The following APOO variants were observed in gnomAD, a reference collection of about 807,000 sequenced individuals.
APOO encodes MICOS complex subunit MIC26.
In APOO, 11 loss-of-function variants were observed where a neutral mutation model predicts 23.1. That is an observed-to-expected ratio of 0.48 (90% CI 0.30 to 0.79). The LOEUF (loss-of-function observed/expected upper bound fraction) is 0.79, where lower values mean the gene tolerates loss of function less well. APOO is among the 30% of genes least tolerant of loss of function. APOO has a pLI of 0.07. For missense variants in APOO, 160 were observed against 142.7 expected (o/e 1.12, Z -0.62); for synonymous variants, 59 against 54.8 (o/e 1.08, Z -0.34).
At chrX:23,899,879 C>T (rs897119786) in intron 1 of APOO, among the ~76,000 whole-genome samples, 7 of 112,419 alleles carry the variant, frequency 6.2e-5, no homozygotes, top group African/African-American at 2.3e-4. Context: ...ATAAATTAAA[C>T]CTTTACGTCA....
At chrX:23,898,452 T>C (rs1204927377) in intron 1 of APOO, among the ~76,000 whole-genome samples, 2 of 110,687 alleles carry the variant, frequency 1.8e-5, no homozygotes, top group Non-Finnish European at 3.8e-5. Context: ...CAGAGAACTC[T>C]AAACTCACTA....
rs990050815 is a variant in APOO at position 23,835,283 on chromosome X, G to A, written c.*30-1671C>T. Among the ~76,000 whole-genome samples, 18 of 109,030 alleles carry A rather than the reference G, an allele frequency of 1.7e-4. No individual in the cohort carries two copies. In the South Asian group the frequency reaches 6.7e-3, roughly 41 times the overall value. The allele number at this position is 109,030 out of a possible 115,157, so 94.7% of individuals were successfully genotyped here. On this transcript the variant is annotated intron_variant, in intron 8 of 8. Transcript: ENST00000379226. ...TCACCATGTTGGGCAGGCTGGTCTC[G>A]AACTCCTGACCTGAGGTGATTCACC...
At chrX:23,857,004 C>T (rs1035451537) in intron 6 of APOO, among the ~76,000 whole-genome samples, 3 of 111,800 alleles carry the variant, frequency 2.7e-5, no homozygotes, top group Admixed American at 9.6e-5. Flanking sequence ...AAACCAAATA[C>T]CACATGTTCT....
intron 1 of APOO, among the ~76,000 whole-genome samples, chrX:23,891,330 G>C (rs947042569): frequency 9.9e-5 from 11 of 111,147 alleles, no homozygotes; most frequent in African/African-American, 3.3e-4. Context: ...GGGTTCAAGG[G>C]ATTCTCATGC....
intron 7 of APOO, among the ~76,000 whole-genome samples, chrX:23,854,310 T>C (rs1007762113): frequency 1.8e-5 from 2 of 111,748 alleles, no homozygotes; most frequent in African/African-American, 3.2e-5. Flanking sequence ...TGCGTGTGTG[T>C]CTGCACAGAC....
intron 4 of APOO, among the ~76,000 whole-genome samples, chrX:23,869,506 C>T (rs1925501061): frequency 9.2e-6 from 1 of 109,013 alleles, no homozygotes; most frequent in Non-Finnish European, 1.9e-5. Context: ...AAACTCAGCA[C>T]TTTCCAAGGC....
chrX:23,877,846 T>C (rs1329476160), intron 3 of APOO, among the ~76,000 whole-genome samples: 2 of 111,569 alleles, frequency 1.8e-5, no homozygotes, highest in African/African-American at 6.5e-5. Context: ...TTCCCACATA[T>C]CTACATCTAT....
chrX:23,874,609 G>C, intron 3 of APOO, 152 bp from the exon 4 acceptor site: 1 of 465,901 alleles, frequency 2.1e-6, no homozygotes, highest in South Asian at 4.0e-5. Context: ...GGGTCTTTTT[G>C]TTTGTTTTTC....
intron 1 of APOO, among the ~76,000 whole-genome samples, chrX:23,891,383 C>T (rs867385608): frequency 2.7e-4 from 30 of 111,268 alleles, no homozygotes; most frequent in African/African-American, 9.5e-4. Context: ...CCCGCCACCA[C>T]GCTCAGCTAA....
At chrX:23,895,712 T>C (rs962332604) in intron 1 of APOO, among the ~76,000 whole-genome samples, 2 of 110,906 alleles carry the variant, frequency 1.8e-5, no homozygotes, top group Non-Finnish European at 3.8e-5. Context: ...TGGAACCTTT[T>C]CTACATCTCC....
chrX:23,834,458 T>C (rs374229710), intron 8 of APOO, among the ~76,000 whole-genome samples: 2 of 106,535 alleles, frequency 1.9e-5, no homozygotes. Context: ...TACATTCAGA[T>C]CCTCAATTGG....
At chrX:23,844,860 A>G (rs990855424) in intron 7 of APOO, among the ~76,000 whole-genome samples, 3 of 112,596 alleles carry the variant, frequency 2.7e-5, no homozygotes, top group Non-Finnish European at 3.7e-5. Context: ...ATCAGTGGAC[A>G]TTATCTTCTC....
At chrX:23,872,114 T>C (rs951658474) in intron 4 of APOO, among the ~76,000 whole-genome samples, 30 of 111,572 alleles carry the variant, frequency 2.7e-4, no homozygotes, top group African/African-American at 9.5e-4. Context: ...CACAGAGCAG[T>C]TGACAGAGGG....
chrX:23,886,625 G>GC lies in APOO; in HGVS notation c.10-5674_10-5673insG, dbSNP rs753909165. Reference sequence around the variant, plus strand: ...CCCATGGGAGGAGCCTTGGTAAAAGGTCCCCAGGTAGACATGGCTGAAGCT... The same window carrying GC: ...CCCATGGGAGGAGCCTTGGTAAAAGGCTCCCCAGGTAGACATGGCTGAAGCT... On this transcript the variant is annotated intron_variant, in intron 1 of 8. Coordinates refer to ENST00000379226, the MANE Select transcript of APOO (RefSeq NM_024122.5). 3.3e-4 allele frequency among the ~76,000 whole-genome samples: 37 copies of GC among 111,311 alleles called. 1 individual carries two copies. Among genetic ancestry groups the GC allele is most frequent in the African/African-American group, 1.2e-3 (36 of 30,669 alleles).
At chrX:23,872,290 G>A (rs1031802965) in intron 4 of APOO, among the ~76,000 whole-genome samples, 6 of 110,709 alleles carry the variant, frequency 5.4e-5, no homozygotes, top group Non-Finnish European at 5.7e-5. Flanking sequence ...CTAGCTACTC[G>A]GGAGGCTGAG....
chrX:23,900,356 G>A (rs982390825), intron 1 of APOO, among the ~76,000 whole-genome samples: 4 of 111,498 alleles, frequency 3.6e-5, no homozygotes, highest in South Asian at 3.7e-4. Context: ...ACAGGATCAT[G>A]ATCAGAGGAC....
intron 1 of APOO, among the ~76,000 whole-genome samples, chrX:23,885,339 C>T (rs1304677962): frequency 9.2e-6 from 1 of 108,856 alleles, no homozygotes; most frequent in Non-Finnish European, 1.9e-5. Context: ...GCAGGGGTTG[C>T]AGTGAGCCGA....
At chrX:23,859,446 CTT>C (rs34998705) in intron 5 of APOO, among the ~76,000 whole-genome samples, 42 of 97,330 alleles carry the variant, frequency 4.3e-4, no homozygotes, top group East Asian at 6.4e-4. Context: ...CTGGATATTT[CTT>C]TTTTTTTTTT....
intron 5 of APOO, among the ~76,000 whole-genome samples, chrX:23,867,094 T>A (rs1273201862): frequency 9.5e-6 from 1 of 105,772 alleles, no homozygotes; most frequent in Non-Finnish European, 1.9e-5. Flanking sequence ...AGTGAGACTC[T>A]ATCTCAAATT....
Sources: allele counts gnomAD v4.1 joint callset (sites outside exome capture counted in the v4.1 genomes callset), GRCh38; gene constraint gnomAD v4.1.1; transcripts MANE v1.5; gene names NCBI Gene and HGNC (gene_info 2026-07-23, HGNC 2026-07-21).